HS3ST3B1: variants seen among roughly 807,000 people sequenced by gnomAD.
HS3ST3B1 encodes heparan sulfate-glucosamine 3-sulfotransferase 3B1.
Under a neutral mutation model 21.3 loss-of-function variants are expected in HS3ST3B1, and 13 were observed. The ratio of observed to expected loss-of-function variants is 0.61; its 90% CI spans 0.40 to 0.97. The LOEUF is 0.97. Among genes scored for constraint, HS3ST3B1 ranks in the 50% least tolerant of loss-of-function variants. The pLI, the probability that HS3ST3B1 is intolerant of heterozygous loss-of-function variation, is 0.00. For missense variants in HS3ST3B1, 459 were observed against 554.8 expected (o/e 0.83, Z 1.73); for synonymous variants, 234 against 254.8 (o/e 0.92, Z 0.78).
At chr17:14,314,349 C>T (rs188789756) in intron 1 of HS3ST3B1, among the ~76,000 whole-genome samples, 29 of 152,314 alleles carry the variant, frequency 1.9e-4, no homozygotes, top group Admixed American at 1.8e-3. Flanking sequence ...CACAGCCTGA[C>T]ACTTTTCACA....
intron 1 of HS3ST3B1, among the ~76,000 whole-genome samples, chr17:14,313,469 G>C (rs1248823805): frequency 6.6e-6 from 1 of 152,114 alleles, no homozygotes; most frequent in Non-Finnish European, 1.5e-5. Context: ...TACACAAAAG[G>C]AGAAACCTCA....
rs1292493995 is a variant in HS3ST3B1 at position 14,346,289 on chromosome 17, G to A, written c.*643G>A. On this transcript the variant is annotated 3_prime_UTR_variant, in exon 2 of 2. Coordinates refer to ENST00000360954, the MANE Select transcript of HS3ST3B1 (RefSeq NM_006041.3). ...TTTTTTGAGATGGAGTCTTGCTCTT[G>A]TTGCCCAGGCTGGGGCGTAATGGTG... The A allele has an allele frequency of 2.1e-5, 2 of 95,522 alleles. No homozygotes were observed. The highest frequency in any genetic ancestry group is 7.2e-4 in the South Asian group (2 of 2,776). The allele number at this position is 95,522 out of a possible 1,614,324, so 5.9% of individuals were successfully genotyped here.
chr17:14,321,846 C>T (rs1479330671), intron 1 of HS3ST3B1, among the ~76,000 whole-genome samples: 1 of 152,018 alleles, frequency 6.6e-6, no homozygotes, highest in Non-Finnish European at 1.5e-5. Context: ...AAATGAACTC[C>T]TAAAATAAAG....
At chr17:14,339,193 G>A (rs1910293144) in intron 1 of HS3ST3B1, among the ~76,000 whole-genome samples, 1 of 152,092 alleles carries the variant, frequency 6.6e-6, no homozygotes, top group South Asian at 2.1e-4. Context: ...GGCGGGGCCA[G>A]GGTTGCTGGA....
intron 1 of HS3ST3B1, among the ~76,000 whole-genome samples, chr17:14,308,656 A>C (rs960124141): frequency 7.2e-5 from 11 of 152,228 alleles, no homozygotes; most frequent in African/African-American, 2.7e-4. Flanking sequence ...ACATTGTTGG[A>C]ATAAGATATT....
At chr17:14,305,278 A>G (rs990712154) in intron 1 of HS3ST3B1, 3 of 152,214 alleles carry the variant, frequency 2.0e-5, no homozygotes, top group African/African-American at 7.2e-5. Flanking sequence ...AGGCCTCCCA[A>G]ACTTAGCAGA....
intron 1 of HS3ST3B1, among the ~76,000 whole-genome samples, chr17:14,326,308 A>G (rs1034861836): frequency 3.3e-5 from 5 of 152,144 alleles, no homozygotes; most frequent in South Asian, 2.1e-4. Context: ...GTGAATTCAT[A>G]TATGCCCTGC....
At chr17:14,334,606 G>A (rs1287308339) in intron 1 of HS3ST3B1, among the ~76,000 whole-genome samples, 7 of 152,130 alleles carry the variant, frequency 4.6e-5, no homozygotes, top group Admixed American at 4.6e-4. Flanking sequence ...TACAATAGAT[G>A]AGCGTACATT....
chr17:14,321,396 A>G (rs866359571), intron 1 of HS3ST3B1, among the ~76,000 whole-genome samples: 1 of 152,128 alleles, frequency 6.6e-6, no homozygotes, highest in Admixed American at 6.5e-5. Flanking sequence ...AGCTTCATGT[A>G]TCTCCCGTCT....
At chr17:14,320,280 A>C (rs965405924) in intron 1 of HS3ST3B1, among the ~76,000 whole-genome samples, 2 of 152,172 alleles carry the variant, frequency 1.3e-5, no homozygotes, top group Non-Finnish European at 2.9e-5. Flanking sequence ...GGGGCGCTGC[A>C]CTGGGAAGGC....
chr17:14,343,498 C>T (rs186156633), intron 1 of HS3ST3B1, among the ~76,000 whole-genome samples: 12 of 152,260 alleles, frequency 7.9e-5, no homozygotes, highest in Admixed American at 7.2e-4. Flanking sequence ...TCCCTTTAAT[C>T]CCCCAACCAG....
Position 14,321,176 on chromosome 17 carries a change from T to A in HS3ST3B1, c.554+19104T>A, listed in dbSNP as rs116618101. On this transcript the variant is annotated intron_variant, in intron 1 of 1. Transcript: ENST00000360954. The stretch of plus-strand genomic sequence containing the variant: ...CCAGGATTGCTCACTCATCAGACAC[T>A]TTCCCGTCTACGTTCCGGGTTTATA... Among the ~76,000 whole-genome samples, 409 of 152,310 alleles carry A rather than the reference T, an allele frequency of 2.7e-3. 6 individuals carry two copies. Among genetic ancestry groups the A allele is most frequent in the African/African-American group, 9.5e-3 (396 of 41,572 alleles).
chr17:14,316,169 G>C (rs16949371), intron 1 of HS3ST3B1, among the ~76,000 whole-genome samples: 6,218 of 152,180 alleles, frequency 0.041, 170 homozygotes, highest in African/African-American at 0.08. Context: ...CGTTCCTATA[G>C]CTTGAGTTAT....
intron 1 of HS3ST3B1, among the ~76,000 whole-genome samples, chr17:14,332,829 CTTTTTTTTT>C (rs71147859): frequency 2.2e-5 from 2 of 91,054 alleles, no homozygotes; most frequent in South Asian, 4.4e-4. Context: ...GACCTTTTAT[CTTTTTTTTT>C]TTTTTTTTTT....
intron 1 of HS3ST3B1, among the ~76,000 whole-genome samples, chr17:14,338,802 C>T (rs188314648): frequency 6.6e-5 from 10 of 152,286 alleles, no homozygotes; most frequent in Admixed American, 2.6e-4. Context: ...TACTCCAAAT[C>T]CTCCTGGTTC....
chr17:14,338,207 C>A lies in HS3ST3B1; in HGVS notation c.555-6821C>A, dbSNP rs1015718461. Among the ~76,000 whole-genome samples, 48 of 151,772 alleles carry A rather than the reference C, an allele frequency of 3.2e-4. 2 individuals are homozygous for A. The highest frequency in any genetic ancestry group is 1.2e-3 in the African/African-American group (48 of 41,104). ...GTGGTGCAATCTCAGCTCACTGCAACCTCCACCTCTCAGGTTCAAGTGATT... is the reference window on the plus strand; with the variant it reads ...GTGGTGCAATCTCAGCTCACTGCAAACTCCACCTCTCAGGTTCAAGTGATT... On this transcript the variant is annotated intron_variant, in intron 1 of 1. Transcript: ENST00000360954.
chr17:14,320,223 A>G (rs1331122441), intron 1 of HS3ST3B1, among the ~76,000 whole-genome samples: 1 of 152,226 alleles, frequency 6.6e-6, no homozygotes, highest in Non-Finnish European at 1.5e-5. Context: ...GAAGTAGTTC[A>G]AAAACAAATC....
At chr17:14,302,553 T>C (rs528967570) in intron 1 of HS3ST3B1, among the ~76,000 whole-genome samples, 3 of 152,220 alleles carry the variant, frequency 2.0e-5, no homozygotes, top group Admixed American at 2.0e-4. Flanking sequence ...GGCCGCGGCG[T>C]CCCGGCGAGG....
chr17:14,319,346 C>A (rs1909589245), intron 1 of HS3ST3B1, among the ~76,000 whole-genome samples: 1 of 152,188 alleles, frequency 6.6e-6, no homozygotes, highest in African/African-American at 2.4e-5. Context: ...GTGTACCCTC[C>A]TCCCAGAGGA....
Sources: gnomAD v4.1 joint callset for allele counts (sites outside exome capture counted in the v4.1 genomes callset) on GRCh38, gnomAD v4.1.1 for gene constraint, MANE v1.5 for transcripts, NCBI Gene and HGNC (gene_info 2026-07-23, HGNC 2026-07-21) for gene names.